The following VTI1A variants were observed in gnomAD, a reference collection of about 807,000 sequenced individuals.
VTI1A encodes vesicle transport through interaction with t-SNAREs homolog 1A.
Under a neutral mutation model 34.9 loss-of-function variants are expected in VTI1A, and 22 were observed. The observed-to-expected ratio is 0.63, with a 90% CI of 0.45 to 0.90. The LOEUF is 0.90. Ranked by LOEUF, VTI1A falls within the 40% of genes least tolerant of loss-of-function variation. The pLI, the probability that VTI1A is intolerant of heterozygous loss-of-function variation, is 0.00. For synonymous variants in VTI1A, 87 were observed against 97.3 expected (o/e 0.89, Z 0.62); for missense variants, 268 against 275.6 (o/e 0.97, Z 0.20).
chr10:112,647,300 GA>G (rs1283239170), intron 5 of VTI1A, among the ~76,000 whole-genome samples: 1 of 152,194 alleles, frequency 6.6e-6, no homozygotes, highest in Non-Finnish European at 1.5e-5. Flanking sequence ...AGCGCTTTGA[GA>G]TTGTGATGAA....
chr10:112,839,591 G>A, the VTI1A span, among the ~76,000 whole-genome samples: 2,800 of 152,242 alleles, frequency 0.018, 98 homozygotes, highest in African/African-American at 0.063. Flanking sequence ...GAGAGACAAG[G>A]GTGGGCTCTT....
the VTI1A span, among the ~76,000 whole-genome samples, chr10:112,828,071 CA>C: frequency 6.9e-4 from 105 of 152,160 alleles, no homozygotes; most frequent in Non-Finnish European, 1.4e-3. Context: ...AATAGCACTC[CA>C]CCCAAGGACT....
chr10:112,690,683 G>A (rs191143808), intron 7 of VTI1A, among the ~76,000 whole-genome samples: 42 of 152,218 alleles, frequency 2.8e-4, no homozygotes, highest in Admixed American at 1.8e-3. Context: ...CTTCTTCATC[G>A]GTAAAATGCT....
chr10:112,853,390 G>T, the VTI1A span, among the ~76,000 whole-genome samples: 3 of 152,176 alleles, frequency 2.0e-5, no homozygotes, highest in African/African-American at 7.2e-5. Flanking sequence ...TAGTGGGCAA[G>T]GTGTGTAGCC....
chr10:112,840,512 G>A, the VTI1A span, among the ~76,000 whole-genome samples: 8 of 152,222 alleles, frequency 5.3e-5, no homozygotes, highest in Non-Finnish European at 1.2e-4. Flanking sequence ...CTCATTGGCT[G>A]CTATCATTTA....
At chr10:112,687,341 C>T (rs1848452103) in intron 7 of VTI1A, among the ~76,000 whole-genome samples, 1 of 142,920 alleles carries the variant, frequency 7.0e-6, no homozygotes, top group Admixed American at 7.5e-5. Context: ...TCACGCCATT[C>T]TCCTGCCTCA....
intron 7 of VTI1A, among the ~76,000 whole-genome samples, chr10:112,702,697 T>G (rs1298111031): frequency 6.6e-6 from 1 of 152,214 alleles, no homozygotes; most frequent in Non-Finnish European, 1.5e-5. Context: ...GCAATTCTCA[T>G]GCCTCAGCCT....
intron 7 of VTI1A, among the ~76,000 whole-genome samples, chr10:112,716,954 G>A (rs2133932399): frequency 6.6e-6 from 1 of 152,294 alleles, no homozygotes; most frequent in South Asian, 2.1e-4. Flanking sequence ...ACCACCCCAA[G>A]AGCCCCTTGC....
At chr10:112,591,315 T>C (rs1229259695) in intron 5 of VTI1A, among the ~76,000 whole-genome samples, 1 of 152,092 alleles carries the variant, frequency 6.6e-6, no homozygotes, top group Non-Finnish European at 1.5e-5. Flanking sequence ...GGTCAGGAGA[T>C]CAAGACCATC....
intron 7 of VTI1A, among the ~76,000 whole-genome samples, chr10:112,722,966 A>G (rs1849865410): frequency 6.6e-6 from 1 of 152,220 alleles, no homozygotes; most frequent in Admixed American, 6.5e-5. Flanking sequence ...GCAGTGTCTT[A>G]CAGTGGTTCA....
At chr10:112,809,026 G>A (rs1230278731) in intron 7 of VTI1A, among the ~76,000 whole-genome samples, 1 of 152,222 alleles carries the variant, frequency 6.6e-6, no homozygotes, top group African/African-American at 2.4e-5. Flanking sequence ...GAGCTAGAGA[G>A]CTGTCATTGG....
chr10:112,825,101 A>G, the VTI1A span: 2 of 152,284 alleles, frequency 1.3e-5, no homozygotes, highest in Admixed American at 6.5e-5. Flanking sequence ...TCAAATTCTT[A>G]ATAATTTTAT....
At chr10:112,494,865 T>G (rs1181826381) in intron 3 of VTI1A, among the ~76,000 whole-genome samples, 1 of 152,206 alleles carries the variant, frequency 6.6e-6, no homozygotes, top group African/African-American at 2.4e-5. Context: ...AATTTTCCCC[T>G]ACCAGCTAGC....
intron 5 of VTI1A, among the ~76,000 whole-genome samples, chr10:112,632,186 G>A (rs1354321947): frequency 6.6e-6 from 1 of 152,144 alleles, no homozygotes; most frequent in African/African-American, 2.4e-5. Context: ...ATCCTGGAAT[G>A]TATTGCGTAG....
At chr10:112,791,261 A>G (rs1852469083) in intron 7 of VTI1A, among the ~76,000 whole-genome samples, 2 of 152,222 alleles carry the variant, frequency 1.3e-5, no homozygotes, top group Non-Finnish European at 2.9e-5. Flanking sequence ...AGGCGCAACA[A>G]AAGGTACATT....
chr10:112,535,699 T>C (rs547153477), intron 4 of VTI1A, among the ~76,000 whole-genome samples: 6 of 152,260 alleles, frequency 3.9e-5, no homozygotes, highest in African/African-American at 1.4e-4. Context: ...ACTTACCTGC[T>C]TTGAAAAGGG....
chr10:112,629,337 GA>G (rs1248937683), intron 5 of VTI1A, among the ~76,000 whole-genome samples: 3 of 152,166 alleles, frequency 2.0e-5, no homozygotes, highest in Non-Finnish European at 4.4e-5. Flanking sequence ...GATTTTCACA[GA>G]AAAAGAGATT....
intron 7 of VTI1A, among the ~76,000 whole-genome samples, chr10:112,726,884 T>C (rs1173446233): frequency 1.3e-5 from 2 of 152,132 alleles, no homozygotes; most frequent in Non-Finnish European, 2.9e-5. Flanking sequence ...ATCACTCCAC[T>C]CAACATTATT....
intron 3 of VTI1A, among the ~76,000 whole-genome samples, chr10:112,473,683 CT>C (rs1848179566): frequency 6.6e-6 from 1 of 152,150 alleles, no homozygotes; most frequent in African/African-American, 2.4e-5. Context: ...ATGCCTGGAA[CT>C]ACATTTTTAC....
Sources: allele counts gnomAD v4.1 joint callset (sites outside exome capture counted in the v4.1 genomes callset), GRCh38; gene constraint gnomAD v4.1.1; transcripts MANE v1.5; gene names NCBI Gene and HGNC (gene_info 2026-07-23, HGNC 2026-07-21).